Variants in DENND2B observed in about 807,000 individuals in gnomAD.
The protein encoded by DENND2B is DENN domain-containing protein 2B.
Under a neutral mutation model 116.0 loss-of-function variants are expected in DENND2B, and 32 were observed. The observed-to-expected ratio is 0.28, with a 90% CI of 0.21 to 0.37. DENND2B has a LOEUF of 0.37. Among genes scored for constraint, DENND2B ranks in the 10% least tolerant of loss-of-function variants. DENND2B has a pLI of 1.00. For synonymous variants in DENND2B, 588 were observed against 583.9 expected, an observed-to-expected ratio of 1.01 and a Z score of -0.10; for missense variants, 1,276 against 1,477.7, an observed-to-expected ratio of 0.86 and a Z score of 2.24.
At position 8,787,000 on chromosome 11, in the gene DENND2B, T is replaced by C. The variant is rs919208609; in HGVS notation, c.-26+23517A>G. 2.6e-5 allele frequency: 4 copies of C among 152,218 alleles called. No homozygotes were observed. The East Asian group carries it at 5.8e-4, about 22-fold the overall frequency. 9.4% of individuals were successfully genotyped at this position (152,218 alleles called of 1,614,324 possible). A position where few individuals can be genotyped will look rare whatever the true frequency, so the allele number is the denominator to read the frequency against. On this transcript the variant is annotated intron_variant, in intron 1 of 19. Coordinates refer to ENST00000313726, the MANE Select transcript of DENND2B (RefSeq NM_213618.2). ...GTGTTAATTATGTTAATTCATTTAA[T>C]ACTGTAACACAATCCTATGAGGTAA...
intron 3 of DENND2B, among the ~76,000 whole-genome samples, chr11:8,844,200 G>A (rs556306184): frequency 2.0e-5 from 3 of 152,012 alleles, no homozygotes; most frequent in Non-Finnish European, 4.4e-5. Flanking sequence ...AGGAGTTCAA[G>A]ACCAGCCTAG....
chr11:8,751,667 C>T (rs1041843378), intron 1 of DENND2B, among the ~76,000 whole-genome samples: 9 of 152,156 alleles, frequency 5.9e-5, no homozygotes, highest in Admixed American at 5.2e-4. Flanking sequence ...CGAGGGTCCA[C>T]GGCTTCATTC....
At chr11:8,826,576 G>A (rs1277053030) in intron 4 of DENND2B, among the ~76,000 whole-genome samples, 1 of 152,178 alleles carries the variant, frequency 6.6e-6, no homozygotes, top group Non-Finnish European at 1.5e-5. Context: ...TGGGGAGAGA[G>A]AAGAGCAGTG....
chr11:8,738,786 C>T (rs1220901141), intron 2 of DENND2B, among the ~76,000 whole-genome samples: 1 of 152,184 alleles, frequency 6.6e-6, no homozygotes, highest in Non-Finnish European at 1.5e-5. Context: ...ATGAGGACCC[C>T]ATGAGCTGGT....
chr11:8,714,688 A>T lies in DENND2B; in HGVS notation c.1864T>A (p.Ser622Thr), dbSNP rs756645777. Residue 622 changes from serine (S) to threonine (T), a missense_variant, in exon 7 of 20, where the codon TCC (serine) becomes ACC (threonine). Ser to Thr is a moderately conservative substitution (Grantham distance 58). This residue lies in a region of DENND2B where 856 missense variants were observed against 846.6 expected (regional missense o/e 1.01). Coordinates refer to ENST00000313726, the MANE Select transcript of DENND2B (RefSeq NM_213618.2). ...RIPKLVQRINSIYNAKRGKKR... is the reference protein window; with the variant it reads ...RIPKLVQRINTIYNAKRGKKR... ...TTTCCTCTCTTGGCATTGTAGATGG[A>T]GTTAATTCTTTGGACAAGCTGGGTG... is the stretch of plus-strand genomic sequence containing the variant. The T allele has an allele frequency of 1.2e-5, 20 of 1,614,050 alleles. No homozygotes were observed. The highest frequency in any genetic ancestry group is 1.6e-5 in the Non-Finnish European group (19 of 1,180,030).
intron 3 of DENND2B, 127 bp from the exon 4 acceptor site, chr11:8,726,336 A>G (rs2047079616): frequency 7.8e-7 from 1 of 1,284,182 alleles, no homozygotes; most frequent in African/African-American, 1.5e-5. Flanking sequence ...AAGAGCATCA[A>G]GGTGGGTCCA....
intron 19 of DENND2B, chr11:8,694,584 G>A (rs764406712): frequency 2.2e-6 from 1 of 457,078 alleles, no homozygotes; most frequent in South Asian, 1.5e-5. Context: ...TCTTTGTAAT[G>A]CAATATGGTA....
At chr11:8,875,444 A>AT (rs1261348697), upstream of DENND2B, among the ~76,000 whole-genome samples, 42 of 149,756 alleles carry the variant, frequency 2.8e-4, no homozygotes, top group Admixed American at 1.7e-3. Context: ...TACTATTCTT[A>AT]TTTTTTTTGA....
In DENND2B at chr11:8,729,974, C is replaced by A. The variant is rs779806102; in HGVS notation, c.1316G>T (p.Arg439Leu). The change falls in exon 3 of 20, where the codon CGT becomes CTT. Residue 439 changes from arginine to leucine, a missense_variant. Arg to Leu is a moderately radical substitution (Grantham distance 102, BLOSUM62 -2). Transcript: ENST00000313726. The part of the protein sequence containing the change: ...PVTRRPKKDM[R>L]GHRKSQSRKS... ...CCTGCTCTGGGACTTGCGGTGACCA[C>A]GCATGTCCTTCTTGGGTCTCCGGGT... 5.0e-6 allele frequency: 8 copies of A among 1,614,012 alleles called. No homozygotes were observed. The African/African-American group carries it at 5.3e-5, about 11-fold the overall frequency.
At chr11:8,811,146 T>C (rs2061356087), upstream of DENND2B, 2 of 396,096 alleles carry the variant, frequency 5.0e-6, no homozygotes, top group African/African-American at 4.1e-5. Flanking sequence ...CCTGATGCGC[T>C]GCCTTGACTT....
At chr11:8,751,401 G>A (rs538659732) in intron 1 of DENND2B, among the ~76,000 whole-genome samples, 29 of 152,296 alleles carry the variant, frequency 1.9e-4, no homozygotes, top group African/African-American at 6.5e-4. Context: ...GCCCAAGCCA[G>A]CAGTGGCAAC....
Position 8,805,128 on chromosome 11 carries a change from C to T in DENND2B, c.-26+5389G>A, listed in dbSNP as rs193218913. Among the ~76,000 whole-genome samples, 10 of 152,328 alleles carry T rather than the reference C, an allele frequency of 6.6e-5. No homozygotes were observed. In the East Asian group the frequency reaches 1.9e-3, roughly 29 times the overall value. On this transcript the variant is annotated intron_variant, in intron 1 of 19. Transcript: ENST00000313726. ...ATTAAATAACCTGCCCAAGGTCACACAGCAAGGTCAGGCTCTAAAGCTAGG... is the reference window on the plus strand; with the variant it reads ...ATTAAATAACCTGCCCAAGGTCACATAGCAAGGTCAGGCTCTAAAGCTAGG...
rs1565761556 is a variant in DENND2B at position 8,730,745 on chromosome 11, C to T, written c.545G>A (p.Ser182Asn). The change falls in exon 3 of 20, where the codon AGC becomes AAC. Residue 182 changes from serine (S) to asparagine (N), a missense_variant. This residue lies in a region of DENND2B where 856 missense variants were observed against 846.6 expected (regional missense o/e 1.01). Transcript: ENST00000313726. This position sits in a 1 kb window ranked among gnomAD's most constrained non-coding sequence, Gnocchi z 4.1. The part of the protein sequence containing the change: ...EGRREASPRM[S>N]MCGEKREGSG... Reference sequence around the variant, plus strand: ...GCCCTCCCGCTTCTCTCCACACATGCTCATCCTGGGCGACGCCTCTCGGCG... The same window carrying T: ...GCCCTCCCGCTTCTCTCCACACATGTTCATCCTGGGCGACGCCTCTCGGCG... The T allele has an allele frequency of 1.2e-6, 2 of 1,612,640 alleles. No homozygotes were observed. Among genetic ancestry groups the T allele is most frequent in the East Asian group, 2.2e-5 (1 of 44,882 alleles).
chr11:8,829,252 G>C (rs1346316215), intron 4 of DENND2B, among the ~76,000 whole-genome samples: 1 of 152,044 alleles, frequency 6.6e-6, no homozygotes, highest in Non-Finnish European at 1.5e-5. Context: ...TGGGAGAGGA[G>C]TGGGTGACAC....
At chr11:8,830,118 A>AT (rs2062145121) in intron 4 of DENND2B, among the ~76,000 whole-genome samples, 1 of 152,074 alleles carries the variant, frequency 6.6e-6, no homozygotes, top group South Asian at 2.1e-4. Flanking sequence ...TCCTATTTTC[A>AT]TCGATCTACA....
intron 2 of DENND2B, among the ~76,000 whole-genome samples, chr11:8,876,551 T>C (rs1245765987): frequency 6.6e-6 from 1 of 151,982 alleles, no homozygotes; most frequent in Non-Finnish European, 1.5e-5. Flanking sequence ...TGCTATGTTG[T>C]TTGGGGTTTT....
chr11:8,755,146 G>T (rs75156496), intron 1 of DENND2B, among the ~76,000 whole-genome samples: 4,947 of 152,266 alleles, frequency 0.032, 229 homozygotes, highest in East Asian at 0.11. Flanking sequence ...GTGCACCACA[G>T]CCTAGGCGAA....
Position 8,726,151 on chromosome 11 carries a change from T to C in DENND2B, c.1399A>G (p.Thr467Ala). 6.2e-7 allele frequency: 1 copy of C among 1,614,098 alleles called. No homozygotes were observed. Residue 467 changes from threonine to alanine, a missense_variant, in exon 4 of 20, where the codon ACT becomes GCT. Transcript: ENST00000313726. ...SLQSLYPSSPTENGTENQPKF... is the reference protein window; with the variant it reads ...SLQSLYPSSPAENGTENQPKF... The stretch of plus-strand genomic sequence containing the variant: ...GGTTGGTTCTCAGTACCATTCTCAG[T>C]GGGAGAAGAGGGGTACAGGGACTGG...
chr11:8,867,213 A>T (rs2063612836), intron 2 of DENND2B, among the ~76,000 whole-genome samples: 1 of 152,176 alleles, frequency 6.6e-6, no homozygotes, highest in South Asian at 2.1e-4. Context: ...GCGGCAGACT[A>T]ATTCTAGTAA....
Sources: allele counts gnomAD v4.1 joint callset (sites outside exome capture counted in the v4.1 genomes callset), GRCh38; gene constraint gnomAD v4.1.1; regional missense constraint gnomAD v4.1.1; non-coding constraint Gnocchi (gnomAD v3.1); transcripts MANE v1.5; gene names NCBI Gene and HGNC (gene_info 2026-07-23, HGNC 2026-07-21).